The following SH2D4A variants were observed in gnomAD, a reference collection of about 807,000 sequenced individuals.
SH2D4A encodes SH2 domain containing 4A, also known as SH2 domain-containing protein 4A.
Under a neutral mutation model 64.7 loss-of-function variants are expected in SH2D4A, and 70 were observed. That is an observed-to-expected ratio of 1.08 (90% CI 0.89 to 1.32). The LOEUF (loss-of-function observed/expected upper bound fraction) is 1.32, where lower values mean the gene tolerates loss of function less well. Ranked by LOEUF, SH2D4A falls within the 40% of genes most tolerant of loss-of-function variation. The pLI is 0.00. For synonymous variants in SH2D4A, 268 were observed against 200.7 expected (o/e 1.34, Z -2.83); for missense variants, 706 against 540.1 (o/e 1.31, Z -3.04).
At chr8:19,386,887 C>G (rs2053402515) in intron 8 of SH2D4A, among the ~76,000 whole-genome samples, 1 of 152,214 alleles carries the variant, frequency 6.6e-6, no homozygotes, top group African/African-American at 2.4e-5. Flanking sequence ...TCAGGTGATT[C>G]TCCCACTTCA....
chr8:19,332,287 A>T (rs577750919), intron 2 of SH2D4A, among the ~76,000 whole-genome samples: 1 of 152,264 alleles, frequency 6.6e-6, no homozygotes, highest in Non-Finnish European at 1.5e-5. Context: ...GTTACCCTAA[A>T]GGATAATGCA....
intron 8 of SH2D4A, among the ~76,000 whole-genome samples, chr8:19,391,557 C>T (rs1001211947): frequency 2.0e-5 from 3 of 152,120 alleles, no homozygotes; most frequent in African/African-American, 7.2e-5. Flanking sequence ...GGAGACTGGC[C>T]TTTTCACCCA....
chr8:19,314,665 T>C (rs756068186), intron 1 of SH2D4A, among the ~76,000 whole-genome samples: 1 of 152,214 alleles, frequency 6.6e-6, no homozygotes, highest in South Asian at 2.1e-4. Context: ...CCAAAGGCTT[T>C]CGTTTGATTG....
chr8:19,317,995 A>C (rs1166185291), intron 1 of SH2D4A, among the ~76,000 whole-genome samples: 2 of 151,810 alleles, frequency 1.3e-5, no homozygotes, highest in Non-Finnish European at 2.9e-5. Flanking sequence ...TCTGCGTCCT[A>C]GGTTCAAGCG....
At chr8:19,346,214 C>G (rs977181372) in intron 4 of SH2D4A, among the ~76,000 whole-genome samples, 2 of 152,214 alleles carry the variant, frequency 1.3e-5, no homozygotes, top group African/African-American at 2.4e-5. Flanking sequence ...TCCTATAAGG[C>G]AGGAGCCCCT....
At chr8:19,354,094 G>C (rs1332637115) in intron 4 of SH2D4A, among the ~76,000 whole-genome samples, 2 of 150,962 alleles carry the variant, frequency 1.3e-5, no homozygotes, top group Admixed American at 6.6e-5. Context: ...AGGTCCAAGT[G>C]ATTCTCCTGT....
intron 4 of SH2D4A, among the ~76,000 whole-genome samples, chr8:19,336,373 A>C (rs1252052679): frequency 6.6e-6 from 1 of 152,034 alleles, no homozygotes; most frequent in African/African-American, 2.4e-5. Flanking sequence ...GAAAATTCTA[A>C]ATTTGGTTTT....
Position 19,394,928 on chromosome 8 carries a change from A to C in SH2D4A, c.*286A>C. On this transcript the variant is annotated 3_prime_UTR_variant, in exon 10 of 10. Coordinates refer to ENST00000265807, the MANE Select transcript of SH2D4A (RefSeq NM_022071.4). ...TAATGATGTACATAAAATAAAACAA[A>C]TGAAGAAATGGAAAACTTTTAGAAA... 6 of 224,520 alleles carry C rather than the reference A, an allele frequency of 2.7e-5. No homozygotes were observed. Among genetic ancestry groups the C allele is most frequent in the East Asian group, 9.0e-5 (1 of 11,072 alleles). 13.9% of individuals were successfully genotyped at this position (224,520 alleles called of 1,614,324 possible).
At chr8:19,327,784 C>A (rs551296292) in intron 2 of SH2D4A, among the ~76,000 whole-genome samples, 1 of 152,280 alleles carries the variant, frequency 6.6e-6, no homozygotes, top group South Asian at 2.1e-4. Context: ...AACAGGGAAT[C>A]CTCCTTTTCC....
At chr8:19,363,364 A>C (rs2052926457) in intron 6 of SH2D4A, among the ~76,000 whole-genome samples, 1 of 152,140 alleles carries the variant, frequency 6.6e-6, no homozygotes, top group Non-Finnish European at 1.5e-5. Context: ...GGTATGAGCC[A>C]CTGTGCCCGG....
chr8:19,347,290 G>A (rs966922480), intron 4 of SH2D4A, among the ~76,000 whole-genome samples: 3 of 152,190 alleles, frequency 2.0e-5, no homozygotes, highest in Admixed American at 2.0e-4. Flanking sequence ...CCCAGGCAAG[G>A]ATGAATGTAA....
At chr8:19,324,940 T>C (rs1368792800) in intron 2 of SH2D4A, among the ~76,000 whole-genome samples, 1 of 152,172 alleles carries the variant, frequency 6.6e-6, no homozygotes, top group Non-Finnish European at 1.5e-5. Flanking sequence ...AACATCACCT[T>C]CATGCCAGTG....
intron 6 of SH2D4A, among the ~76,000 whole-genome samples, chr8:19,361,722 A>G (rs1463943849): frequency 6.9e-6 from 1 of 144,110 alleles, no homozygotes; most frequent in Non-Finnish European, 1.5e-5. Flanking sequence ...TTATAATAAC[A>G]TGTAAACATT....
At chr8:19,348,487 C>T (rs552935207) in intron 4 of SH2D4A, among the ~76,000 whole-genome samples, 4 of 152,158 alleles carry the variant, frequency 2.6e-5, no homozygotes, top group African/African-American at 9.7e-5. Flanking sequence ...GAAACTTCCA[C>T]TTAAATTTTC....
At chr8:19,328,176 C>T (rs2052312282) in intron 2 of SH2D4A, among the ~76,000 whole-genome samples, 1 of 152,164 alleles carries the variant, frequency 6.6e-6, no homozygotes, top group Non-Finnish European at 1.5e-5. Flanking sequence ...GCTTCATTCT[C>T]TCTATGAGCT....
chr8:19,348,037 G>A (rs185442240), intron 4 of SH2D4A, among the ~76,000 whole-genome samples: 40 of 152,302 alleles, frequency 2.6e-4, no homozygotes, highest in East Asian at 5.8e-4. Context: ...CCACTAAAGT[G>A]TACATTTTAG....
chr8:19,385,780 T>A (rs2053380643), intron 8 of SH2D4A, among the ~76,000 whole-genome samples: 1 of 152,130 alleles, frequency 6.6e-6, no homozygotes, highest in South Asian at 2.1e-4. Flanking sequence ...TTCCCAAAAT[T>A]TCTTTCTGTC....
intron 8 of SH2D4A, among the ~76,000 whole-genome samples, chr8:19,390,044 G>A (rs1259322606): frequency 6.6e-6 from 1 of 152,166 alleles, no homozygotes; most frequent in African/African-American, 2.4e-5. Flanking sequence ...TCTTAGAGTT[G>A]TGCAAAGGGC....
chr8:19,377,695 A>G (rs2053218577), intron 8 of SH2D4A, among the ~76,000 whole-genome samples: 1 of 151,780 alleles, frequency 6.6e-6, no homozygotes, highest in Non-Finnish European at 1.5e-5. Flanking sequence ...ATACACACAC[A>G]TATATTACAC....
Sources: gnomAD v4.1 joint callset for allele counts (sites outside exome capture counted in the v4.1 genomes callset) on GRCh38, gnomAD v4.1.1 for gene constraint, MANE v1.5 for transcripts, NCBI Gene and HGNC (gene_info 2026-07-23, HGNC 2026-07-21) for gene names.